The following RAD51 variants were observed in gnomAD, a reference collection of about 807,000 sequenced individuals.
RAD51 encodes RAD51 recombinase, also known as DNA repair protein RAD51 homolog 1.
In RAD51, 14 loss-of-function variants were observed where a neutral mutation model predicts 41.5. The ratio of observed to expected loss-of-function variants is 0.34; its 90% confidence interval spans 0.22 to 0.53. The LOEUF is 0.53. Ranked by LOEUF, RAD51 falls within the 20% of genes least tolerant of loss-of-function variation. The pLI, the probability that RAD51 is intolerant of heterozygous loss-of-function variation, is 0.95. For synonymous variants in RAD51, 136 were observed against 148.6 expected (o/e 0.92, Z 0.62); for missense variants, 234 against 422.0 (o/e 0.55, Z 3.90).
At chr15:40,710,026 A>C (rs1895590711) in intron 5 of RAD51, among the ~76,000 whole-genome samples, 1 of 151,882 alleles carries the variant, frequency 6.6e-6, no homozygotes, top group Admixed American at 6.6e-5. Context: ...GCGGATCACA[A>C]GGTCAGGAGA....
chr15:40,714,425 C>G (rs1895883272), intron 5 of RAD51, among the ~76,000 whole-genome samples: 1 of 152,174 alleles, frequency 6.6e-6, no homozygotes, highest in Admixed American at 6.5e-5. Context: ...TACATAATAT[C>G]TATAGTTGCC....
chr15:40,724,045 G>A (rs146610040), intron 6 of RAD51, among the ~76,000 whole-genome samples: 10 of 152,208 alleles, frequency 6.6e-5, no homozygotes, highest in East Asian at 1.9e-4. Flanking sequence ...ATTCTCTCTC[G>A]TTTTATAATC....
intron 1 of RAD51, among the ~76,000 whole-genome samples, chr15:40,697,574 C>CA (rs1894720776): frequency 9.5e-6 from 1 of 105,516 alleles, no homozygotes; most frequent in African/African-American, 3.8e-5. Context: ...GATGATATTT[C>CA]TTTTTTTTTT....
intron 5 of RAD51, among the ~76,000 whole-genome samples, chr15:40,717,629 C>G (rs186246188): frequency 6.6e-6 from 1 of 152,098 alleles, no homozygotes; most frequent in Admixed American, 6.6e-5. Flanking sequence ...ATTCTTTCTA[C>G]TTATTTTTCT....
Position 40,728,784 on chromosome 15 carries a change from C to A in RAD51, c.604C>A (p.Gln202Lys), listed in dbSNP as rs773933143. 6.2e-7 allele frequency: 1 copy of A among 1,614,052 alleles called. No individual in the cohort carries two copies. The highest frequency in any genetic ancestry group is 1.1e-5 in the South Asian group (1 of 91,080). ...AGCGTTCAACACAGACCACCAGACCCAGCTCCTTTATCAAGCATCAGCCAT... is the reference window on the plus strand; with the variant it reads ...AGCGTTCAACACAGACCACCAGACCAAGCTCCTTTATCAAGCATCAGCCAT... The part of the protein sequence containing the change: ...ARAFNTDHQT[Q>K]LLYQASAMMV... Residue 202 changes from glutamine (Q) to lysine (K), a missense_variant, in exon 7 of 10, where the codon CAG becomes AAG. Gln to Lys is a moderately conservative substitution (Grantham distance 53, BLOSUM62 1). Around this residue, in one of 2 missense-constraint regions of RAD51, gnomAD observed 134 missense variants for 286.5 expected, o/e 0.47. Coordinates refer to ENST00000267868, the MANE Select transcript of RAD51 (RefSeq NM_002875.5).
intron 6 of RAD51, among the ~76,000 whole-genome samples, chr15:40,720,412 C>T (rs1230282704): frequency 1.3e-5 from 2 of 151,874 alleles, no homozygotes; most frequent in Admixed American, 6.6e-5. Flanking sequence ...TGCTTTTCCC[C>T]CTAAAGTCAG....
At chr15:40,711,832 T>C (rs182700522) in intron 5 of RAD51, among the ~76,000 whole-genome samples, 20 of 152,290 alleles carry the variant, frequency 1.3e-4, no homozygotes, top group African/African-American at 4.8e-4. Context: ...CCCAGCACTT[T>C]GGGAGGCCAC....
chr15:40,703,082 C>G (rs1208385479), intron 3 of RAD51, among the ~76,000 whole-genome samples: 2 of 152,150 alleles, frequency 1.3e-5, no homozygotes, highest in African/African-American at 4.8e-5. Flanking sequence ...GTTAGTACTT[C>G]TCATATTACC....
At chr15:40,705,138 A>G (rs566001898) in intron 3 of RAD51, among the ~76,000 whole-genome samples, 1 of 152,294 alleles carries the variant, frequency 6.6e-6, no homozygotes, top group East Asian at 1.9e-4. Flanking sequence ...GTTTATAGCT[A>G]TGAATTTCTC....
At chr15:40,725,983 C>T (rs1354286778) in intron 6 of RAD51, among the ~76,000 whole-genome samples, 1 of 151,520 alleles carries the variant, frequency 6.6e-6, no homozygotes, top group Middle Eastern at 3.2e-3. Context: ...GAGACTCCAT[C>T]TCAAAAAAAC....
intron 2 of RAD51, 72 bp from the exon 3 acceptor site, chr15:40,700,992 T>C (rs2141818895): frequency 1.3e-6 from 2 of 1,532,906 alleles, no homozygotes; most frequent in South Asian, 2.2e-5. Context: ...GTGAAGTATG[T>C]AGGACACATA....
In RAD51 at chr15:40,709,022, T is replaced by C; in HGVS notation, c.344-3T>C. ...TAAGAGTTATTTCTTATCGCTTTTT[T>C]AGGTGGAATTGAGACTGGATCTATC... On this transcript the variant is annotated splice_polypyrimidine_tract_variant and splice_region_variant and intron_variant, in intron 4 of 9. Transcript: ENST00000267868. The C allele has an allele frequency of 6.2e-7, 1 of 1,611,844 alleles. No homozygotes were observed. Among genetic ancestry groups the C allele is most frequent in the Non-Finnish European group, 8.5e-7 (1 of 1,177,872 alleles).
At chr15:40,730,520 CTTTTTTTTT>C (rs778467789) in intron 9 of RAD51, among the ~76,000 whole-genome samples, 1 of 113,110 alleles carries the variant, frequency 8.8e-6, no homozygotes. Context: ...AATTTTTTTT[CTTTTTTTTT>C]TTTTTTTTTT....
intron 6 of RAD51, among the ~76,000 whole-genome samples, chr15:40,724,376 A>G (rs1177457130): frequency 6.6e-6 from 1 of 152,188 alleles, no homozygotes; most frequent in African/African-American, 2.4e-5. Context: ...AAGTATTCAG[A>G]TAGGATAGAT....
intron 6 of RAD51, among the ~76,000 whole-genome samples, chr15:40,720,564 T>C (rs1355589282): frequency 6.6e-6 from 1 of 152,024 alleles, no homozygotes; most frequent in Non-Finnish European, 1.5e-5. Context: ...AATGACATGG[T>C]GCCATATGTA....
In RAD51 at chr15:40,731,612, CTTTT is replaced by C. The variant is rs1301608202; in HGVS notation, c.*438_*441del. On this transcript the variant is annotated 3_prime_UTR_variant, in exon 10 of 10. Transcript: ENST00000267868. ...CAAAGGGAATGGGTCTGCACAGATT[CTTTT>C]TTTCTGTCAGTAAAACTCTCAAGCA... 4.0e-6 allele frequency: 1 copy of C among 247,464 alleles called. No homozygotes were observed. Among genetic ancestry groups the C allele is most frequent in the Non-Finnish European group, 8.0e-6 (1 of 125,374 alleles). 15.3% of individuals were successfully genotyped at this position (247,464 alleles called of 1,614,324 possible). A position where few individuals can be genotyped will look rare whatever the true frequency, so the allele number is the denominator to read the frequency against.
chr15:40,700,938 A>G (rs1269553554), intron 2 of RAD51, 126 bp from the exon 3 acceptor site: 37 of 852,154 alleles, frequency 4.3e-5, no homozygotes, highest in South Asian at 5.9e-5. Context: ...CGCCCCCCCA[A>G]GGATTTCAAG....
chr15:40,716,375 T>C (rs943969012), intron 5 of RAD51, among the ~76,000 whole-genome samples: 2 of 140,658 alleles, frequency 1.4e-5, no homozygotes, highest in Admixed American at 7.1e-5. Flanking sequence ...CCACTTCCTC[T>C]TTTTTTTTTT....
chr15:40,703,247 T>A (rs778514417), intron 3 of RAD51, among the ~76,000 whole-genome samples: 1 of 152,266 alleles, frequency 6.6e-6, no homozygotes, highest in African/African-American at 2.4e-5. Context: ...TAGTACATGT[T>A]TGTTGCACTG....
Sources: gnomAD v4.1 joint callset for allele counts (sites outside exome capture counted in the v4.1 genomes callset) on GRCh38, gnomAD v4.1.1 for gene constraint, gnomAD v4.1.1 regional missense constraint, MANE v1.5 for transcripts, NCBI Gene and HGNC (gene_info 2026-07-23, HGNC 2026-07-21) for gene names.